The following MINDY3 variants were observed in gnomAD, a reference collection of about 807,000 sequenced individuals.
MINDY3 encodes MINDY lysine 48 deubiquitinase 3.
MINDY3 carries 38 observed loss-of-function variants against 69.2 expected under a neutral mutation model. The observed-to-expected ratio is 0.55, with a 90% CI of 0.42 to 0.72. MINDY3 has a LOEUF of 0.72. MINDY3 is among the 30% of genes least tolerant of loss of function. The pLI is 0.00. For missense variants in MINDY3, 522 were observed against 519.0 expected (o/e 1.01, Z -0.06); for synonymous variants, 192 against 180.1 (o/e 1.07, Z -0.53).
intron 11 of MINDY3, among the ~76,000 whole-genome samples, chr10:15,793,220 T>C (rs1332239388): frequency 6.6e-6 from 1 of 152,126 alleles, no homozygotes; most frequent in Non-Finnish European, 1.5e-5. Flanking sequence ...GTGGACTTTC[T>C]CCAAAGCTCA....
intron 10 of MINDY3, among the ~76,000 whole-genome samples, chr10:15,811,859 T>G: frequency 6.6e-6 from 1 of 152,352 alleles, no homozygotes; most frequent in Middle Eastern, 3.4e-3. Flanking sequence ...AACTTCAGAA[T>G]AAAACTTTCT....
intron 10 of MINDY3, among the ~76,000 whole-genome samples, chr10:15,810,447 G>A (rs530638506): frequency 3.9e-5 from 6 of 152,044 alleles, no homozygotes; most frequent in East Asian, 1.9e-4. Context: ...TCAATAATAC[G>A]GGTGGTTTGA....
At chr10:15,814,178 A>G (rs1460049690) in intron 10 of MINDY3, among the ~76,000 whole-genome samples, 2 of 152,228 alleles carry the variant, frequency 1.3e-5, no homozygotes, top group East Asian at 1.9e-4. Context: ...ACAGGACTCA[A>G]TAAATGTGAT....
At chr10:15,783,103 C>T (rs1214526536) in intron 13 of MINDY3, among the ~76,000 whole-genome samples, 1 of 152,202 alleles carries the variant, frequency 6.6e-6, no homozygotes, top group African/African-American at 2.4e-5. Context: ...CTGCTGGCAA[C>T]TGGAGCTTCA....
intron 8 of MINDY3, among the ~76,000 whole-genome samples, chr10:15,826,843 A>C (rs1378747804): frequency 6.6e-6 from 1 of 152,200 alleles, no homozygotes; most frequent in East Asian, 1.9e-4. Flanking sequence ...AGAAAAAGTC[A>C]AAAGGCAGAT....
chr10:15,816,122 G>A (rs1341743410), intron 10 of MINDY3, among the ~76,000 whole-genome samples: 1 of 151,866 alleles, frequency 6.6e-6, no homozygotes, highest in African/African-American at 2.4e-5. Flanking sequence ...TTAGCTGGGT[G>A]TGGTGGCATG....
At chr10:15,813,424 T>C (rs1839144823) in intron 10 of MINDY3, among the ~76,000 whole-genome samples, 1 of 152,216 alleles carries the variant, frequency 6.6e-6, no homozygotes, top group African/African-American at 2.4e-5. Context: ...AGGCATCAAT[T>C]TTTTAAGTAA....
intron 10 of MINDY3, among the ~76,000 whole-genome samples, chr10:15,803,074 T>C (rs1319729385): frequency 1.3e-5 from 2 of 152,176 alleles, no homozygotes; most frequent in African/African-American, 4.8e-5. Flanking sequence ...TTATTTTGAC[T>C]GTTTACAATG....
intron 1 of MINDY3, among the ~76,000 whole-genome samples, chr10:15,851,201 T>C (rs953421198): frequency 2.6e-5 from 4 of 152,176 alleles, no homozygotes; most frequent in African/African-American, 9.7e-5. Context: ...GTTCCCCAGG[T>C]CTTGGTTTTA....
At chr10:15,798,451 C>G (rs1588534731) in intron 10 of MINDY3, among the ~76,000 whole-genome samples, 1 of 148,090 alleles carries the variant, frequency 6.8e-6, no homozygotes, top group Non-Finnish European at 1.5e-5. Context: ...TGCCTTGTCT[C>G]TAAGTGCCAA....
At chr10:15,853,784 A>G (rs1834485799) in intron 1 of MINDY3, among the ~76,000 whole-genome samples, 2 of 151,884 alleles carry the variant, frequency 1.3e-5, no homozygotes, top group African/African-American at 4.8e-5. Flanking sequence ...AACTACCAAT[A>G]AGCTACAGTT....
rs186254875 is a variant in MINDY3, at chr10:15,833,352, T to A, written c.730+278A>T. Among the ~76,000 whole-genome samples the A allele has an allele frequency of 4.6e-3, 703 of 152,288 alleles. 9 individuals are homozygous for A. Among genetic ancestry groups the A allele is most frequent in the African/African-American group, 0.016 (673 of 41,570 alleles). The stretch of plus-strand genomic sequence containing the variant: ...TAAATATGCACTGTGTTTATACATA[T>A]TAAGAGTCATAAATCCCAGTTTTAT... On this transcript the variant is annotated intron_variant, in intron 8 of 14. Coordinates refer to ENST00000277632, the MANE Select transcript of MINDY3 (RefSeq NM_024948.4).
chr10:15,843,538 CACATA>C (rs1190059967), intron 2 of MINDY3, among the ~76,000 whole-genome samples: 2 of 152,024 alleles, frequency 1.3e-5, no homozygotes, highest in Non-Finnish European at 2.9e-5. Flanking sequence ...AGAACTAACT[CACATA>C]ACAGAATAAC....
intron 14 of MINDY3, 129 bp downstream of exon 14, chr10:15,782,026 G>A: frequency 1.4e-6 from 1 of 717,726 alleles, no homozygotes; most frequent in Non-Finnish European, 2.4e-6. Context: ...TCTAAAATGT[G>A]TCCTCATAGT....
In MINDY3 at chr10:15,860,445, A is replaced by G. The variant is rs1009602753; in HGVS notation, c.-146T>C. ...AGGAAAGAAGAAGGGGCTGAGAGCC[A>G]CTTGCAGAGACCAAGCCTGTCAAGC... On this transcript the variant is annotated 5_prime_UTR_variant, in exon 1 of 15. Transcript: ENST00000277632. 2.3e-5 allele frequency: 16 copies of G among 685,182 alleles called. No homozygotes were observed. The highest frequency in any genetic ancestry group is 3.9e-5 in the Non-Finnish European group (15 of 386,462). 42.4% of individuals were successfully genotyped at this position (685,182 alleles called of 1,614,324 possible).
chr10:15,855,864 A>G (rs1178000883), intron 1 of MINDY3, among the ~76,000 whole-genome samples: 1 of 152,136 alleles, frequency 6.6e-6, no homozygotes, highest in East Asian at 1.9e-4. Context: ...TAAGATTTTC[A>G]TAAGCTGTAA....
At chr10:15,825,735 T>C (rs141095100) in intron 8 of MINDY3, among the ~76,000 whole-genome samples, 26 of 152,348 alleles carry the variant, frequency 1.7e-4, no homozygotes, top group African/African-American at 6.3e-4. Context: ...TTGAAATATG[T>C]ATACACTGTA....
In MINDY3 at chr10:15,837,325, G is replaced by T; in HGVS notation, c.462-7C>A. The T allele has an allele frequency of 6.4e-7, 1 of 1,558,822 alleles. No homozygotes were observed. The highest frequency in any genetic ancestry group is 8.7e-7 in the Non-Finnish European group (1 of 1,146,210). ...ACTTCTGAACGATCTTTTTCTGGGG[G>T]AAAAAAAGAATTAAGTATTGGTATC... On this transcript the variant is annotated splice_region_variant and splice_polypyrimidine_tract_variant and intron_variant, in intron 5 of 14. Transcript: ENST00000277632.
At chr10:15,859,628 GATA>G (rs1479740932) in intron 1 of MINDY3, among the ~76,000 whole-genome samples, 1 of 142,432 alleles carries the variant, frequency 7.0e-6, no homozygotes. Flanking sequence ...AACCGTGACA[GATA>G]ATAAACCATA....
Sources: allele counts gnomAD v4.1 joint callset (sites outside exome capture counted in the v4.1 genomes callset), GRCh38; gene constraint gnomAD v4.1.1; transcripts MANE v1.5; gene names NCBI Gene and HGNC (gene_info 2026-07-23, HGNC 2026-07-21).